Variants in WDR33 observed in about 807,000 individuals in gnomAD.
WDR33 encodes WD repeat domain 33, also known as pre-mRNA 3' end processing protein WDR33.
In WDR33, 47 loss-of-function variants were observed where a neutral mutation model predicts 164.9. That is an observed-to-expected ratio of 0.29 (90% CI 0.23 to 0.36). The LOEUF is 0.36. WDR33 is among the 10% of genes least tolerant of loss of function. The pLI is 1.00. For missense variants in WDR33, 1,137 were observed against 1,754.1 expected (o/e 0.65, Z 6.28); for synonymous variants, 505 against 589.0 (o/e 0.86, Z 2.06).
chr2:127,715,947 G>A (rs1686290716), intron 17 of WDR33, among the ~76,000 whole-genome samples: 1 of 152,126 alleles, frequency 6.6e-6, no homozygotes, highest in Admixed American at 6.5e-5. Flanking sequence ...AGGGGGCGGG[G>A]GATAAAGAGA....
At chr2:127,801,104 GAA>G (rs36096560) in intron 1 of WDR33, among the ~76,000 whole-genome samples, 1 of 137,332 alleles carries the variant, frequency 7.3e-6, no homozygotes, top group Non-Finnish European at 1.6e-5. Flanking sequence ...CTGTCTCTAG[GAA>G]AAAAAAAAAA....
chr2:127,792,504 T>TA (rs992645742), intron 1 of WDR33, among the ~76,000 whole-genome samples: 5 of 151,082 alleles, frequency 3.3e-5, no homozygotes, highest in Non-Finnish European at 5.9e-5. Flanking sequence ...CTACTAAAAA[T>TA]AAAAAAATTA....
intron 7 of WDR33, among the ~76,000 whole-genome samples, chr2:127,733,393 C>G (rs919167596): frequency 6.6e-6 from 1 of 152,128 alleles, no homozygotes; most frequent in East Asian, 1.9e-4. Context: ...ATGAAAGATT[C>G]AGCAGTACGA....
At chr2:127,792,138 C>T (rs943503828) in intron 1 of WDR33, among the ~76,000 whole-genome samples, 40 of 151,480 alleles carry the variant, frequency 2.6e-4, no homozygotes, top group African/African-American at 9.5e-4. Context: ...TGGGTTTCAC[C>T]GTGTTGGTCA....
Position 127,770,073 on chromosome 2 carries a change from A to G in WDR33, c.204+705T>C, listed in dbSNP as rs1687951226. 6.6e-6 allele frequency among the ~76,000 whole-genome samples: 1 copy of G among 152,236 alleles called. No homozygotes were observed. The highest frequency in any genetic ancestry group is 2.1e-4 in the South Asian group (1 of 4,832). ...GGAAGTGGGAGAATCCATGTTCTCCAAGCCAGTGTCTCACAAAAATATTCC... is the reference window on the plus strand; with the variant it reads ...GGAAGTGGGAGAATCCATGTTCTCCGAGCCAGTGTCTCACAAAAATATTCC... On this transcript the variant is annotated intron_variant, in intron 2 of 21. Transcript: ENST00000322313. The surrounding 1 kb of genome is among the most constrained non-coding windows in gnomAD (Gnocchi z 4.9).
intron 1 of WDR33, among the ~76,000 whole-genome samples, chr2:127,798,367 C>CAAAAAA (rs61568967): frequency 7.3e-4 from 14 of 19,274 alleles, no homozygotes; most frequent in East Asian, 1.8e-3. Flanking sequence ...GACACCGTCG[C>CAAAAAA]AAAAAAAAAA....
chr2:127,701,999 G>C lies in WDR33; in HGVS notation c.*4324C>G, dbSNP rs1362525246. 11 of 1,324,878 alleles carry C rather than the reference G, an allele frequency of 8.3e-6. No homozygotes were observed. Among genetic ancestry groups the C allele is most frequent in the Non-Finnish European group, 1.1e-5 (11 of 1,040,712 alleles). The allele number at this position is 1,324,878 out of a possible 1,614,324, so 82.1% of individuals were successfully genotyped here. On this transcript the variant is annotated 3_prime_UTR_variant, in exon 22 of 22. Coordinates refer to ENST00000322313, the MANE Select transcript of WDR33 (RefSeq NM_018383.5). ...ACATGGCAGCGCTGGGCGCCACGCT[G>C]TTCGCCGCGCTGGGCCTTCGCAGCA... is the stretch of plus-strand genomic sequence containing the variant.
chr2:127,796,206 G>C (rs1262550077), intron 1 of WDR33, among the ~76,000 whole-genome samples: 1 of 151,570 alleles, frequency 6.6e-6, no homozygotes, highest in Admixed American at 6.6e-5. Flanking sequence ...TGAGTAGCTG[G>C]GACTATACAG....
In WDR33 at chr2:127,796,074, A is replaced by AT. The variant is rs11325131; in HGVS notation, c.-24+14937dup. 3.7e-3 allele frequency among the ~76,000 whole-genome samples: 513 copies of AT among 139,408 alleles called. 3 individuals are homozygous for AT. Among genetic ancestry groups the AT allele is most frequent in the East Asian group, 7.5e-3 (36 of 4,830 alleles). 91.5% of individuals were successfully genotyped at this position (139,408 alleles called of 152,430 possible). A position where few individuals can be genotyped will look rare whatever the true frequency, so the allele number is the denominator to read the frequency against. On this transcript the variant is annotated intron_variant, in intron 1 of 21. Coordinates refer to ENST00000322313, the MANE Select transcript of WDR33 (RefSeq NM_018383.5). The stretch of plus-strand genomic sequence containing the variant: ...TATTAATATTAGGTGATTACTGTTA[A>AT]TTTTTTTTTTTTTTTTTGAGACAGT...
At chr2:127,759,429 G>A (rs1202921207) in intron 7 of WDR33, among the ~76,000 whole-genome samples, 2 of 152,092 alleles carry the variant, frequency 1.3e-5, no homozygotes, top group African/African-American at 4.8e-5. Context: ...GGTGGCTCAC[G>A]CCTGTAATAC....
intron 7 of WDR33, among the ~76,000 whole-genome samples, chr2:127,750,949 T>C (rs947068038): frequency 1.3e-5 from 2 of 151,730 alleles, no homozygotes; most frequent in South Asian, 4.1e-4. Flanking sequence ...AAATGTCTAG[T>C]GAATACTCTT....
At chr2:127,781,999 TAAAAAAAAAAAAAAA>T (rs764718254) in intron 1 of WDR33, among the ~76,000 whole-genome samples, 1 of 90,196 alleles carries the variant, frequency 1.1e-5, no homozygotes, top group Non-Finnish European at 2.2e-5. Context: ...ACTCTTTTTC[TAAAAAAAAAAAAAAA>T]AAAAAAAATC....
At chr2:127,737,822 TTTAA>T (rs1306857458) in intron 7 of WDR33, 19 of 1,356,884 alleles carry the variant, frequency 1.4e-5, no homozygotes, top group African/African-American at 1.5e-5. Flanking sequence ...TACACTTCTT[TTTAA>T]TTGAGAATTT....
rs1406662195 is a variant in WDR33 at position 127,722,477 on chromosome 2, G to A, written c.1518+114C>T. 1 of 1,416,358 alleles carries A rather than the reference G, an allele frequency of 7.1e-7. No individual in the cohort carries two copies. Among genetic ancestry groups the A allele is most frequent in the Non-Finnish European group, 9.6e-7 (1 of 1,046,974 alleles). 87.7% of individuals were successfully genotyped at this position (1,416,358 alleles called of 1,614,324 possible). A position where few individuals can be genotyped will look rare whatever the true frequency, so the allele number is the denominator to read the frequency against. The stretch of plus-strand genomic sequence containing the variant: ...ACCATGTCTAAGAGTACGTGAACAT[G>A]GGAAAAATGCTCCAGTACAGAAACA... On this transcript the variant is annotated intron_variant, in intron 14 of 21. Coordinates refer to ENST00000322313, the MANE Select transcript of WDR33 (RefSeq NM_018383.5). This position sits in a 1 kb window ranked among gnomAD's most constrained non-coding sequence, Gnocchi z 5.1.
Position 127,701,569 on chromosome 2 carries a change from A to G in WDR33, c.*4754T>C. 2.2e-6 allele frequency: 3 copies of G among 1,359,098 alleles called. No individual in the cohort carries two copies. The highest frequency in any genetic ancestry group is 2.9e-6 in the Non-Finnish European group (3 of 1,052,526). The allele number at this position is 1,359,098 out of a possible 1,614,324, so 84.2% of individuals were successfully genotyped here. ...CGCCAGCTGCAGGAGTACCTGGCGC[A>G]GGGGAAAGCTGGCGGCCCGGCGGCC... On this transcript the variant is annotated 3_prime_UTR_variant, in exon 22 of 22. Coordinates refer to ENST00000322313, the MANE Select transcript of WDR33 (RefSeq NM_018383.5).
In WDR33 at chr2:127,809,339, C is replaced by T. The variant is rs557841947; in HGVS notation, c.-24+1673G>A. ...AAATCTGTTTAGTATTTTTCACCAA[C>T]CAAAGAAAATTATCCAAGTTAAGCC... On this transcript the variant is annotated intron_variant, in intron 1 of 21. Transcript: ENST00000322313. Among the ~76,000 whole-genome samples, 16 of 151,590 alleles carry T rather than the reference C, an allele frequency of 1.1e-4. 1 individual carries two copies. The highest frequency in any genetic ancestry group is 3.9e-4 in the African/African-American group (16 of 41,354).
intron 1 of WDR33, among the ~76,000 whole-genome samples, chr2:127,807,206 A>C (rs1689469350): frequency 6.6e-6 from 1 of 152,138 alleles, no homozygotes; most frequent in African/African-American, 2.4e-5. Context: ...GGGTTTCACC[A>C]TGTTGGCCAG....
intron 7 of WDR33, among the ~76,000 whole-genome samples, chr2:127,754,344 A>G (rs1485904393): frequency 6.6e-6 from 1 of 152,188 alleles, no homozygotes; most frequent in African/African-American, 2.4e-5. Flanking sequence ...CTTCCCTGAC[A>G]GGTAGGTGGC....
chr2:127,750,198 G>C (rs1367409719), intron 7 of WDR33, among the ~76,000 whole-genome samples: 1 of 151,988 alleles, frequency 6.6e-6, no homozygotes, highest in Non-Finnish European at 1.5e-5. Context: ...TTAACTTTTT[G>C]TATTTGTTTT....
Sources: gnomAD v4.1 joint callset for allele counts (sites outside exome capture counted in the v4.1 genomes callset) on GRCh38, gnomAD v4.1.1 for gene constraint, Gnocchi (gnomAD v3.1) non-coding constraint, MANE v1.5 for transcripts, NCBI Gene and HGNC (gene_info 2026-07-23, HGNC 2026-07-21) for gene names.